ADARB2: variants seen among roughly 807,000 people sequenced by gnomAD.
The protein encoded by ADARB2 is adenosine deaminase RNA specific B2 (inactive), also known as inactive double-stranded RNA-specific editase B2.
A neutral mutation model predicts 62.2 loss-of-function variants in ADARB2; 25 were observed. The ratio of observed to expected loss-of-function variants is 0.40; its 90% CI spans 0.29 to 0.56. ADARB2 has a LOEUF of 0.56. ADARB2 is among the 20% of genes least tolerant of loss of function. The pLI is 0.43. For synonymous variants in ADARB2, 572 were observed against 500.8 expected (o/e 1.14, Z -1.90); for missense variants, 1,071 against 1,077.4 (o/e 0.99, Z 0.08).
At chr10:1,343,741 A>G (rs1055201813) in intron 3 of ADARB2, among the ~76,000 whole-genome samples, 9 of 152,244 alleles carry the variant, frequency 5.9e-5, no homozygotes, top group African/African-American at 2.2e-4. Flanking sequence ...ATGGAGCTGG[A>G]AGCCCTTATC....
chr10:1,289,771 A>C (rs115222774), intron 3 of ADARB2, among the ~76,000 whole-genome samples: 1 of 152,210 alleles, frequency 6.6e-6, no homozygotes, highest in African/African-American at 2.4e-5. Context: ...GGACCGCCCG[A>C]CCTTCACTCC....
chr10:1,694,832 G>A (rs1212089507), intron 1 of ADARB2, among the ~76,000 whole-genome samples: 1 of 152,192 alleles, frequency 6.6e-6, no homozygotes, highest in South Asian at 2.1e-4. Flanking sequence ...ATGTCTGGGA[G>A]TGGGGTCTTC....
In ADARB2 at chr10:1,379,129, A is replaced by G. The variant is rs1466704426; in HGVS notation, c.132T>C (p.Ala44=). 5 of 1,613,792 alleles carry G rather than the reference A, an allele frequency of 3.1e-6. No individual in the cohort carries two copies. The highest frequency in any genetic ancestry group is 1.6e-4 in the Middle Eastern group (1 of 6,084). The change falls in exon 2 of 10, where the codon GCT becomes GCC. Residue 44 remains alanine (A), a synonymous_variant. Coordinates refer to ENST00000381312, the MANE Select transcript of ADARB2 (RefSeq NM_018702.4). ...DKVSILSTFL[A]PFKHLSPGIT... Reference sequence around the variant, plus strand: ...TGCCAGGACTCAGGTGCTTGAAAGGAGCGAGGAAGGTTGACAATATGCTTA... The same window carrying G: ...TGCCAGGACTCAGGTGCTTGAAAGGGGCGAGGAAGGTTGACAATATGCTTA...
intron 4 of ADARB2, among the ~76,000 whole-genome samples, chr10:1,258,331 G>A (rs554245339): frequency 7.9e-5 from 12 of 152,068 alleles, no homozygotes; most frequent in African/African-American, 2.7e-4. Flanking sequence ...ATGTAAATGG[G>A]CTAAATGCTC....
chr10:1,260,599 T>C (rs1439959740), intron 4 of ADARB2, among the ~76,000 whole-genome samples: 6 of 151,916 alleles, frequency 3.9e-5, no homozygotes, highest in Non-Finnish European at 7.4e-5. Context: ...TTATAAGGGA[T>C]GTGAAGGACC....
intron 1 of ADARB2, among the ~76,000 whole-genome samples, chr10:1,394,731 C>A (rs1441769912): frequency 6.6e-6 from 1 of 152,152 alleles, no homozygotes; most frequent in Non-Finnish European, 1.5e-5. Context: ...TGAGGAACGT[C>A]AAAGGGTCTG....
In ADARB2 at chr10:1,271,013, C is replaced by G; in HGVS notation, c.1134G>C (p.Thr378=). The part of the protein sequence containing the change: ...LVTQKFREVT[T]DLTPMHARHK... ...GGCGGGCGTGCATGGGCGTGAGGTC[C>G]GTCGTCACCTCGCGGAACTTCTGTG... The change falls in exon 4 of 10, where the codon ACG becomes ACC. Residue 378 remains threonine (T), a synonymous_variant. Coordinates refer to ENST00000381312, the MANE Select transcript of ADARB2 (RefSeq NM_018702.4). 1 of 1,613,754 alleles carries G rather than the reference C, an allele frequency of 6.2e-7. No individual in the cohort carries two copies. Among genetic ancestry groups the G allele is most frequent in the Middle Eastern group, 1.6e-4 (1 of 6,062 alleles).
chr10:1,272,172 C>T (rs1170642724), intron 3 of ADARB2, among the ~76,000 whole-genome samples: 1 of 152,190 alleles, frequency 6.6e-6, no homozygotes. Context: ...ATCAATTCAT[C>T]ATCTCATCCA....
intron 1 of ADARB2, among the ~76,000 whole-genome samples, chr10:1,544,923 TATATA>T (rs1832495504): frequency 9.0e-6 from 1 of 110,704 alleles, no homozygotes; most frequent in Non-Finnish European, 2.0e-5. Context: ...AGGTAAAGTC[TATATA>T]ATATGTGAAG....
chr10:1,550,840 G>T (rs1022738291), intron 1 of ADARB2, among the ~76,000 whole-genome samples: 15 of 148,872 alleles, frequency 1.0e-4, no homozygotes, highest in African/African-American at 3.7e-4. Flanking sequence ...CCGCCTAACG[G>T]TCCCCGCGCT....
In ADARB2 at chr10:1,486,681, G is replaced by A. The variant is rs555330681; in HGVS notation, c.101-107521C>T. On this transcript the variant is annotated intron_variant, in intron 1 of 9. Coordinates refer to ENST00000381312, the MANE Select transcript of ADARB2 (RefSeq NM_018702.4). ...GAAAAAGCAGGGGTGCAAAAGAAAC[G>A]ACGGCCAGCCATCAGCATCAGCCTC... Among the ~76,000 whole-genome samples the A allele has an allele frequency of 2.6e-5, 4 of 152,082 alleles. No individual in the cohort carries two copies. The South Asian group carries it at 8.3e-4, about 32-fold the overall frequency.
chr10:1,602,792 C>T (rs997735353), intron 1 of ADARB2, among the ~76,000 whole-genome samples: 3 of 151,842 alleles, frequency 2.0e-5, no homozygotes, highest in African/African-American at 7.3e-5. Flanking sequence ...CATCCACACA[C>T]ATATGCATAC....
At chr10:1,275,239 C>T (rs1048905210) in intron 3 of ADARB2, among the ~76,000 whole-genome samples, 4 of 152,230 alleles carry the variant, frequency 2.6e-5, no homozygotes, top group Non-Finnish European at 4.4e-5. Flanking sequence ...GCTCAGCTTT[C>T]TTCTAGAGTG....
At chr10:1,574,809 G>C (rs1832988069) in intron 1 of ADARB2, among the ~76,000 whole-genome samples, 1 of 152,136 alleles carries the variant, frequency 6.6e-6, no homozygotes, top group African/African-American at 2.4e-5. Flanking sequence ...TGAATTCGGG[G>C]GACACATACA....
chr10:1,431,652 T>A (rs769643444), intron 1 of ADARB2, among the ~76,000 whole-genome samples: 22 of 151,556 alleles, frequency 1.5e-4, no homozygotes, highest in Non-Finnish European at 2.8e-4. Flanking sequence ...AAATAGAAAA[T>A]CAGTGAAATG....
At position 1,270,945 on chromosome 10, in the gene ADARB2, A is replaced by AG; in HGVS notation, c.1192+9dup. 7 of 1,611,972 alleles carry AG rather than the reference A, an allele frequency of 4.3e-6. No individual in the cohort carries two copies. The highest frequency in any genetic ancestry group is 3.3e-4 in the Middle Eastern group (2 of 6,058). On this transcript the variant is annotated intron_variant, in intron 4 of 9. Coordinates refer to ENST00000381312, the MANE Select transcript of ADARB2 (RefSeq NM_018702.4). ...ATGAAAATGCCCACAGGAAAAGAGG[A>AG]GGTGGCTACCTTTGGTCATGACGAT...
chr10:1,530,900 A>C (rs1832224788), intron 1 of ADARB2, among the ~76,000 whole-genome samples: 1 of 150,918 alleles, frequency 6.6e-6, no homozygotes, highest in Admixed American at 6.6e-5. Flanking sequence ...AGGTCTCAGC[A>C]CTCAGCACTC....
intron 3 of ADARB2, among the ~76,000 whole-genome samples, chr10:1,281,494 A>T (rs1156633723): frequency 6.6e-6 from 1 of 152,238 alleles, no homozygotes; most frequent in Non-Finnish European, 1.5e-5. Context: ...ATGGAAAGAT[A>T]TGGATTGGAT....
chr10:1,548,965 C>T (rs961298260), intron 1 of ADARB2, among the ~76,000 whole-genome samples: 12 of 151,892 alleles, frequency 7.9e-5, no homozygotes, highest in Middle Eastern at 3.4e-3. Context: ...GCCACAGGGG[C>T]GGGGGAGAGA....
Sources: gnomAD v4.1 joint callset for allele counts (sites outside exome capture counted in the v4.1 genomes callset) on GRCh38, gnomAD v4.1.1 for gene constraint, MANE v1.5 for transcripts, NCBI Gene and HGNC (gene_info 2026-07-23, HGNC 2026-07-21) for gene names.